Variants in SPAG16 observed in about 807,000 individuals in gnomAD.
The protein encoded by SPAG16 is sperm-associated antigen 16 protein.
Under a neutral mutation model 80.4 loss-of-function variants are expected in SPAG16, and 86 were observed. The ratio of observed to expected loss-of-function variants is 1.07; its 90% CI spans 0.90 to 1.28. The LOEUF is 1.28. Among genes scored for constraint, SPAG16 ranks in the 50% most tolerant of loss-of-function variants. The probability of loss-of-function intolerance (pLI) is 0.00; values close to 1 mark genes in which losing one functional copy is unlikely to be tolerated. For synonymous variants in SPAG16, 294 were observed against 265.9 expected (o/e 1.11, Z -1.03); for missense variants, 870 against 765.3 (o/e 1.14, Z -1.61).
At chr2:213,525,539 G>A (rs1299564155) in intron 10 of SPAG16, among the ~76,000 whole-genome samples, 1 of 151,684 alleles carries the variant, frequency 6.6e-6, no homozygotes, top group South Asian at 2.1e-4. Context: ...TACCCGCCTC[G>A]GCCTCCCAAA....
At chr2:213,514,623 C>T (rs1366636146) in intron 10 of SPAG16, among the ~76,000 whole-genome samples, 2 of 121,678 alleles carry the variant, frequency 1.6e-5, no homozygotes, top group Admixed American at 1.9e-4. Context: ...CCCCCTCCCC[C>T]CACCCCACCA....
At chr2:213,595,104 GAAA>G (rs1033359666) in intron 10 of SPAG16, among the ~76,000 whole-genome samples, 1 of 151,334 alleles carries the variant, frequency 6.6e-6, no homozygotes, top group Non-Finnish European at 1.5e-5. Flanking sequence ...TTCTCAAGGA[GAAA>G]AAAATAATAT....
chr2:213,316,232 C>G (rs948172626), intron 4 of SPAG16, among the ~76,000 whole-genome samples: 5 of 151,970 alleles, frequency 3.3e-5, no homozygotes, highest in Non-Finnish European at 7.4e-5. Context: ...CTATCTGTTG[C>G]TCAGCCAAAA....
chr2:214,006,987 T>G (rs535249735), intron 12 of SPAG16, among the ~76,000 whole-genome samples: 2 of 152,324 alleles, frequency 1.3e-5, no homozygotes, highest in East Asian at 3.9e-4. Flanking sequence ...TCCTGAATCA[T>G]TTAATTGGGT....
chr2:213,952,681 A>G (rs2043909669), intron 12 of SPAG16, among the ~76,000 whole-genome samples: 1 of 152,098 alleles, frequency 6.6e-6, no homozygotes, highest in African/African-American at 2.4e-5. Flanking sequence ...TGGGAACCAT[A>G]GAATGATAGA....
intron 10 of SPAG16, among the ~76,000 whole-genome samples, chr2:213,856,076 T>C (rs1050887793): frequency 6.6e-6 from 1 of 152,190 alleles, no homozygotes; most frequent in Non-Finnish European, 1.5e-5. Context: ...GCAAGTTAGT[T>C]ACTTCCTAGA....
chr2:213,308,712 G>T (rs2126110588), intron 3 of SPAG16, among the ~76,000 whole-genome samples: 1 of 152,198 alleles, frequency 6.6e-6, no homozygotes, highest in East Asian at 1.9e-4. Flanking sequence ...TTGACATTCT[G>T]CAAGGAAGGG....
chr2:214,183,686 G>A (rs1444034445), intron 15 of SPAG16, among the ~76,000 whole-genome samples: 1 of 152,020 alleles, frequency 6.6e-6, no homozygotes, highest in Non-Finnish European at 1.5e-5. Flanking sequence ...TATCACTCCT[G>A]TCTCATTTTA....
chr2:213,633,320 T>C (rs1266103582), intron 10 of SPAG16, among the ~76,000 whole-genome samples: 1 of 152,166 alleles, frequency 6.6e-6, no homozygotes, highest in Non-Finnish European at 1.5e-5. Flanking sequence ...TAATGTTTCC[T>C]TTTTCATTTC....
At chr2:214,067,610 ATATGGG>A (rs926014152) in intron 13 of SPAG16, among the ~76,000 whole-genome samples, 4 of 152,208 alleles carry the variant, frequency 2.6e-5, no homozygotes, top group African/African-American at 9.6e-5. Context: ...ATTTTTAGGC[ATATGGG>A]TATGTGTATG....
At chr2:214,052,175 TA>T (rs1308846390) in intron 13 of SPAG16, among the ~76,000 whole-genome samples, 1 of 152,232 alleles carries the variant, frequency 6.6e-6, no homozygotes, top group African/African-American at 2.4e-5. Flanking sequence ...GCAGCCAATT[TA>T]AAAAGCTTCT....
intron 12 of SPAG16, 146 bp downstream of exon 12, chr2:213,930,291 T>G (rs2078694247): frequency 2.0e-6 from 1 of 500,458 alleles, no homozygotes; most frequent in African/African-American, 2.0e-5. Context: ...AGAGAGCTAC[T>G]TAAATAATCT....
intron 10 of SPAG16, among the ~76,000 whole-genome samples, chr2:213,509,070 C>T (rs942691286): frequency 6.6e-6 from 1 of 151,826 alleles, no homozygotes; most frequent in Admixed American, 6.6e-5. Context: ...AATCTCGGCT[C>T]ACTGCAGTCT....
chr2:213,709,616 G>A (rs1427622162), intron 10 of SPAG16, among the ~76,000 whole-genome samples: 17 of 151,166 alleles, frequency 1.1e-4, no homozygotes. Context: ...ACTATCAAAA[G>A]CTATGTTGTG....
intron 12 of SPAG16, among the ~76,000 whole-genome samples, chr2:213,932,803 A>G (rs558749658): frequency 6.6e-6 from 1 of 152,352 alleles, no homozygotes; most frequent in African/African-American, 2.4e-5. Flanking sequence ...GCTAATCAGA[A>G]TCTATGAACA....
intron 9 of SPAG16, among the ~76,000 whole-genome samples, chr2:213,435,356 G>A (rs2070560152): frequency 6.6e-6 from 1 of 152,166 alleles, no homozygotes; most frequent in African/African-American, 2.4e-5. Context: ...ACATAGTGTG[G>A]AATAATAGAC....
intron 5 of SPAG16, among the ~76,000 whole-genome samples, chr2:213,329,528 G>A (rs1212278290): frequency 6.6e-6 from 1 of 152,182 alleles, no homozygotes; most frequent in Non-Finnish European, 1.5e-5. Flanking sequence ...TTATCTGGTG[G>A]AAGAAATTGC....
chr2:213,991,020 T>TATA (rs1252005676), intron 12 of SPAG16, among the ~76,000 whole-genome samples: 2 of 152,092 alleles, frequency 1.3e-5, no homozygotes, highest in Non-Finnish European at 2.9e-5. Context: ...TTTTTATTAT[T>TATA]ATACTTTAAG....
At chr2:213,360,870 A>T (rs948335432) in intron 7 of SPAG16, among the ~76,000 whole-genome samples, 3 of 152,206 alleles carry the variant, frequency 2.0e-5, no homozygotes, top group Non-Finnish European at 2.9e-5. Flanking sequence ...CGCTTTGAGA[A>T]TTCATTTCCA....
Sources: gnomAD v4.1 joint callset for allele counts (sites outside exome capture counted in the v4.1 genomes callset) on GRCh38, gnomAD v4.1.1 for gene constraint, MANE v1.5 for transcripts, NCBI Gene and HGNC (gene_info 2026-07-23, HGNC 2026-07-21) for gene names.